ADGRL3: variants seen among roughly 807,000 people sequenced by gnomAD.
The protein encoded by ADGRL3 is adhesion G protein-coupled receptor L3, also known as calcium-independent alpha-latrotoxin receptor 3.
In ADGRL3, 62 loss-of-function variants were observed where a neutral mutation model predicts 153.5. The observed-to-expected ratio is 0.40, with a 90% CI of 0.33 to 0.50. ADGRL3 has a LOEUF of 0.50. ADGRL3 is among the 20% of genes least tolerant of loss of function. ADGRL3 has a pLI of 0.47. For missense variants in ADGRL3, 1,641 were observed against 1,859.4 expected, an observed-to-expected ratio of 0.88 and a Z score of 2.16; for synonymous variants, 710 against 672.5, an observed-to-expected ratio of 1.06 and a Z score of -0.86.
At chr4:61,591,648 A>C (rs2098969687) in intron 5 of ADGRL3, among the ~76,000 whole-genome samples, 1 of 151,948 alleles carries the variant, frequency 6.6e-6, no homozygotes, top group African/African-American at 2.4e-5. Context: ...ATTTCTTTTG[A>C]GTTTTCTATC....
chr4:61,791,909 C>T (rs2097347062), intron 8 of ADGRL3, among the ~76,000 whole-genome samples: 1 of 152,094 alleles, frequency 6.6e-6, no homozygotes, highest in Admixed American at 6.6e-5. Flanking sequence ...CACAGGGTAC[C>T]AAGAGGAGGG....
At chr4:61,839,048 A>G (rs1350426979) in intron 9 of ADGRL3, among the ~76,000 whole-genome samples, 1 of 152,144 alleles carries the variant, frequency 6.6e-6, no homozygotes, top group African/African-American at 2.4e-5. Context: ...GGGTGGAGCA[A>G]GGAAATGGGG....
At chr4:61,377,952 T>C (rs977277195) in intron 1 of ADGRL3, among the ~76,000 whole-genome samples, 7 of 152,040 alleles carry the variant, frequency 4.6e-5, no homozygotes, top group African/African-American at 1.2e-4. Flanking sequence ...CTTTGACCCT[T>C]GGGATATATA....
At chr4:61,764,854 A>G (rs887720382) in intron 8 of ADGRL3, among the ~76,000 whole-genome samples, 1 of 151,202 alleles carries the variant, frequency 6.6e-6, no homozygotes, top group Admixed American at 6.6e-5. Context: ...AGAGTGGGAG[A>G]GGTTAAGCTG....
intron 6 of ADGRL3, among the ~76,000 whole-genome samples, chr4:61,702,355 T>G (rs2095782354): frequency 6.6e-6 from 1 of 152,206 alleles, no homozygotes; most frequent in South Asian, 2.1e-4. Flanking sequence ...TTATTCCCTG[T>G]GAATCCAGCC....
At chr4:61,984,484 C>T (rs934992623) in intron 19 of ADGRL3, among the ~76,000 whole-genome samples, 2 of 152,180 alleles carry the variant, frequency 1.3e-5, no homozygotes, top group South Asian at 2.1e-4. Context: ...AGGGGAATCG[C>T]CTGAGCCCAG....
chr4:61,722,865 A>G (rs1292336454), intron 6 of ADGRL3, among the ~76,000 whole-genome samples: 2 of 152,188 alleles, frequency 1.3e-5, no homozygotes, highest in Non-Finnish European at 2.9e-5. Flanking sequence ...GGCATCTAAC[A>G]TACTTTCAGC....
chr4:61,738,324 A>G (rs1380239314), intron 8 of ADGRL3, among the ~76,000 whole-genome samples: 1 of 152,056 alleles, frequency 6.6e-6, no homozygotes, highest in Non-Finnish European at 1.5e-5. Flanking sequence ...TCGTTGATTG[A>G]TGGGCATTTG....
intron 9 of ADGRL3, among the ~76,000 whole-genome samples, chr4:61,842,673 T>C (rs1240233572): frequency 6.6e-6 from 1 of 152,190 alleles, no homozygotes; most frequent in Non-Finnish European, 1.5e-5. Context: ...CTTATTAATG[T>C]ATTGATTCCA....
At chr4:62,064,634 T>C (rs1193377659) in intron 25 of ADGRL3, among the ~76,000 whole-genome samples, 1 of 151,920 alleles carries the variant, frequency 6.6e-6, no homozygotes, top group Non-Finnish European at 1.5e-5. Flanking sequence ...CAATTTTTAA[T>C]AAAATTTCTA....
chr4:61,884,905 G>A (rs2098529147), intron 9 of ADGRL3, among the ~76,000 whole-genome samples: 8 of 151,462 alleles, frequency 5.3e-5, no homozygotes, highest in Admixed American at 5.3e-4. Context: ...GATTATAGGT[G>A]TGAGCCACCG....
At chr4:61,620,930 C>T (rs966140339) in intron 5 of ADGRL3, among the ~76,000 whole-genome samples, 6 of 152,018 alleles carry the variant, frequency 3.9e-5, no homozygotes, top group East Asian at 1.9e-4. Flanking sequence ...TGAGCCACAG[C>T]GCCCAGCCAA....
chr4:61,814,725 T>C (rs1580962273), intron 9 of ADGRL3, among the ~76,000 whole-genome samples: 1 of 152,172 alleles, frequency 6.6e-6, no homozygotes, highest in East Asian at 1.9e-4. Context: ...TGGGAGTCTC[T>C]TATCCCTTCT....
chr4:61,933,412 G>C (rs1197623898), intron 13 of ADGRL3, among the ~76,000 whole-genome samples: 1 of 151,980 alleles, frequency 6.6e-6, no homozygotes, highest in Non-Finnish European at 1.5e-5. Flanking sequence ...CTGGCTACTA[G>C]GTCACGCTTT....
chr4:61,760,788 C>A (rs2096903170), intron 8 of ADGRL3, among the ~76,000 whole-genome samples: 1 of 152,200 alleles, frequency 6.6e-6, no homozygotes, highest in Non-Finnish European at 1.5e-5. Flanking sequence ...CCTATTTGGC[C>A]ATCTTGGCTC....
intron 8 of ADGRL3, among the ~76,000 whole-genome samples, chr4:61,796,462 A>G (rs553333285): frequency 3.9e-5 from 6 of 152,292 alleles, no homozygotes; most frequent in African/African-American, 1.4e-4. Context: ...ACCAAATCAG[A>G]AACTGAAGTC....
intron 1 of ADGRL3, among the ~76,000 whole-genome samples, chr4:61,280,783 C>G (rs2093692475): frequency 1.3e-5 from 2 of 151,938 alleles, no homozygotes; most frequent in South Asian, 2.1e-4. Flanking sequence ...ATTTGTATGT[C>G]TAACAAAAAG....
chr4:61,775,455 C>T lies in ADGRL3; in HGVS notation c.1400-38354C>T, dbSNP rs545677568. ...GTGCCAAAGATTTATGTCTTCATTT[C>T]TTGCATTTGAAGTACTCTTCGATGA... On this transcript the variant is annotated intron_variant, in intron 8 of 26. Transcript: ENST00000683033. 8.7e-6 allele frequency: 6 copies of T among 685,964 alleles called. No individual in the cohort carries two copies. The Admixed American group carries it at 8.9e-5, about 10-fold the overall frequency. 42.5% of individuals were successfully genotyped at this position (685,964 alleles called of 1,614,324 possible).
Position 61,949,512 on chromosome 4 carries a change from A to C in ADGRL3, c.2805+1236A>C, listed in dbSNP as rs138812052. On this transcript the variant is annotated intron_variant, in intron 17 of 26. Transcript: ENST00000683033. Reference sequence around the variant, plus strand: ...CAGGAGTTAGAGACCAGACTGACTGACATGGCAAAACCCCTCTCTACTAAA... The same window carrying C: ...CAGGAGTTAGAGACCAGACTGACTGCCATGGCAAAACCCCTCTCTACTAAA... 1.3e-3 allele frequency among the ~76,000 whole-genome samples: 197 copies of C among 152,198 alleles called. 3 individuals carry two copies. In the East Asian group the frequency reaches 0.033, roughly 26 times the overall value.
Sources: gnomAD v4.1 joint callset for allele counts (sites outside exome capture counted in the v4.1 genomes callset) on GRCh38, gnomAD v4.1.1 for gene constraint, MANE v1.5 for transcripts, NCBI Gene and HGNC (gene_info 2026-07-23, HGNC 2026-07-21) for gene names.